The following GLT1D1 variants were observed in gnomAD, a reference collection of about 807,000 sequenced individuals.
GLT1D1 encodes the protein glycosyltransferase 1 domain containing 1, also known as glycosyltransferase 1 domain-containing protein 1.
In GLT1D1, 21 loss-of-function variants were observed where a neutral mutation model predicts 28.7. The ratio of observed to expected loss-of-function variants is 0.73; its 90% CI spans 0.52 to 1.05. The LOEUF is 1.05. Ranked by LOEUF, GLT1D1 falls within the 50% of genes least tolerant of loss-of-function variation. The pLI is 0.00. For missense variants in GLT1D1, 343 were observed against 330.6 expected, an observed-to-expected ratio of 1.04 and a Z score of -0.29; for synonymous variants, 147 against 124.8, an observed-to-expected ratio of 1.18 and a Z score of -1.19.
Position 128,914,106 on chromosome 12 carries a change from A to G in GLT1D1, c.375+14819A>G, listed in dbSNP as rs983396298. On this transcript the variant is annotated intron_variant, in intron 4 of 7. Coordinates refer to ENST00000281703, the MANE Select transcript of GLT1D1 (RefSeq NM_144669.3). ...TTCAAAATGTTTCTGTTACCAAGAT[A>G]ACGTGTTAGACGTTGCCTCTGAATT... 2.6e-5 allele frequency among the ~76,000 whole-genome samples: 4 copies of G among 152,206 alleles called. No individual in the cohort carries two copies. The South Asian group carries it at 8.3e-4, about 31-fold the overall frequency.
At chr12:128,898,392 G>C (rs1869887432) in intron 3 of GLT1D1, among the ~76,000 whole-genome samples, 1 of 152,028 alleles carries the variant, frequency 6.6e-6, no homozygotes, top group African/African-American at 2.4e-5. Context: ...GCCCAGGCTG[G>C]TCTTGAATGC....
intron 4 of GLT1D1, chr12:128,914,952 C>A: frequency 6.5e-7 from 1 of 1,536,060 alleles, no homozygotes; most frequent in Non-Finnish European, 8.7e-7. Flanking sequence ...CAACACCAAA[C>A]GCCGCTTTTA....
At chr12:128,901,453 C>A (rs563653180) in intron 4 of GLT1D1, among the ~76,000 whole-genome samples, 1 of 121,408 alleles carries the variant, frequency 8.2e-6, no homozygotes, top group South Asian at 2.6e-4. Flanking sequence ...TTTTTTTTTT[C>A]TGAGATGGAG....
chr12:128,874,065 T>C (rs1413310784), intron 1 of GLT1D1, among the ~76,000 whole-genome samples: 12 of 26,080 alleles, frequency 4.6e-4, no homozygotes, highest in African/African-American at 2.4e-3. Flanking sequence ...CCCTCCTTTC[T>C]TTCTTTCTTT....
chr12:128,931,014 TA>T lies in GLT1D1; in HGVS notation c.376-14308del, dbSNP rs371650413. 9.5e-3 allele frequency among the ~76,000 whole-genome samples: 1,406 copies of T among 147,328 alleles called. 18 individuals are homozygous for T. Among genetic ancestry groups the T allele is most frequent in the African/African-American group, 0.012 (494 of 40,634 alleles). On this transcript the variant is annotated intron_variant, in intron 4 of 7. Transcript: ENST00000281703. ...TCTACCACCCTTTTTTTTTTTTTTTTAAAATGAGACGGAGTCTTGCTCTGCC... is the reference window on the plus strand; with the variant it reads ...TCTACCACCCTTTTTTTTTTTTTTTTAAATGAGACGGAGTCTTGCTCTGCC...
At chr12:128,861,080 G>C (rs912647785) in intron 1 of GLT1D1, among the ~76,000 whole-genome samples, 7 of 151,868 alleles carry the variant, frequency 4.6e-5, no homozygotes, top group African/African-American at 1.7e-4. Flanking sequence ...TTCAAAGGGT[G>C]CCCCCCGTTA....
At chr12:128,936,207 T>G (rs917685981) in intron 4 of GLT1D1, among the ~76,000 whole-genome samples, 1 of 148,402 alleles carries the variant, frequency 6.7e-6, no homozygotes, top group African/African-American at 2.5e-5. Flanking sequence ...CAGGCTGGAG[T>G]GCAGTGGCCT....
chr12:128,900,504 T>G (rs761244453), intron 4 of GLT1D1, among the ~76,000 whole-genome samples: 1 of 152,220 alleles, frequency 6.6e-6, no homozygotes, highest in Non-Finnish European at 1.5e-5. Flanking sequence ...CCCATAGTCT[T>G]ACTCTTTATA....
At chr12:128,856,599 C>T (rs1288101893) in intron 1 of GLT1D1, among the ~76,000 whole-genome samples, 1 of 152,086 alleles carries the variant, frequency 6.6e-6, no homozygotes, top group Non-Finnish European at 1.5e-5. Context: ...ATGGTGAGAA[C>T]ACAGGTCCTG....
At chr12:128,944,665 A>C (rs1424245706) in intron 4 of GLT1D1, 1 of 725,584 alleles carries the variant, frequency 1.4e-6, no homozygotes, top group Non-Finnish European at 2.6e-6. Flanking sequence ...TGCCTGTGGA[A>C]GTGTCCTTGG....
chr12:128,917,531 G>A (rs1872222322), intron 4 of GLT1D1, among the ~76,000 whole-genome samples: 1 of 152,126 alleles, frequency 6.6e-6, no homozygotes, highest in Non-Finnish European at 1.5e-5. Flanking sequence ...ATCTGCCTCA[G>A]CTTCCCAAAG....
Position 128,973,179 on chromosome 12 carries a change from G to GTTTTTTTTTT in GLT1D1, c.640-9732_640-9723dup, listed in dbSNP as rs61169176. On this transcript the variant is annotated intron_variant, in intron 7 of 7. Coordinates refer to ENST00000281703, the MANE Select transcript of GLT1D1 (RefSeq NM_144669.3). ...CTTTTCTGTTTTGTTTGTTTGCTTG[G>GTTTTTTTTTT]TTTTTTTTTTTTTTTTTTTTTTTTT... Among the ~76,000 whole-genome samples the GTTTTTTTTTT allele has an allele frequency of 1.8e-4, 9 of 50,986 alleles. 1 individual carries two copies. The highest frequency in any genetic ancestry group is 7.1e-4 in the Admixed American group (2 of 2,814). The allele number at this position is 50,986 out of a possible 152,430, so 33.4% of individuals were successfully genotyped here.
chr12:128,949,373 A>T (rs1876457736), intron 6 of GLT1D1, among the ~76,000 whole-genome samples: 1 of 152,204 alleles, frequency 6.6e-6, no homozygotes, highest in South Asian at 2.1e-4. Flanking sequence ...CCTTTGGGCG[A>T]AGTGTTTTGA....
intron 7 of GLT1D1, among the ~76,000 whole-genome samples, chr12:128,969,272 T>G (rs935516999): frequency 6.6e-6 from 1 of 151,984 alleles, no homozygotes; most frequent in African/African-American, 2.4e-5. Flanking sequence ...TCTCTAGCTC[T>G]CTCTCTCACT....
At chr12:128,898,549 G>C (rs1225513057) in intron 3 of GLT1D1, among the ~76,000 whole-genome samples, 2 of 152,146 alleles carry the variant, frequency 1.3e-5, no homozygotes, top group Non-Finnish European at 2.9e-5. Context: ...AAATTATTTT[G>C]TCAAATTTCA....
chr12:128,885,432 A>AT (rs1272041188), intron 2 of GLT1D1, among the ~76,000 whole-genome samples: 1 of 152,164 alleles, frequency 6.6e-6, no homozygotes, highest in Non-Finnish European at 1.5e-5. Context: ...CATGTTAGCC[A>AT]GGCTGGTCTC....
chr12:128,881,086 TGTTGGCGGGCGC>T (rs1451867649), intron 2 of GLT1D1, among the ~76,000 whole-genome samples: 1 of 150,630 alleles, frequency 6.6e-6, no homozygotes, highest in Non-Finnish European at 1.5e-5. Flanking sequence ...TAGCCGGGCG[TGTTGGCGGGCGC>T]CTGTAGTTCC....
At chr12:128,978,376 G>A (rs1057085162) in intron 7 of GLT1D1, among the ~76,000 whole-genome samples, 1 of 152,188 alleles carries the variant, frequency 6.6e-6, no homozygotes, top group African/African-American at 2.4e-5. Flanking sequence ...GGCATGGCAT[G>A]TCAGGGCGGG....
chr12:128,897,749 A>G (rs977574189), intron 3 of GLT1D1, among the ~76,000 whole-genome samples: 4 of 151,720 alleles, frequency 2.6e-5, no homozygotes, highest in Non-Finnish European at 5.9e-5. Context: ...GCTCACTGCA[A>G]GCTCCGCCTC....
Sources: allele counts gnomAD v4.1 joint callset (sites outside exome capture counted in the v4.1 genomes callset), GRCh38; gene constraint gnomAD v4.1.1; transcripts MANE v1.5; gene names NCBI Gene and HGNC (gene_info 2026-07-23, HGNC 2026-07-21).